The following ALMS1 variants were observed in gnomAD, a reference collection of about 807,000 sequenced individuals.
ALMS1 encodes the protein ALMS1 centrosome and basal body associated protein, also known as centrosome-associated protein ALMS1.
Under a neutral mutation model 352.2 loss-of-function variants are expected in ALMS1, and 271 were observed. The ratio of observed to expected loss-of-function variants is 0.77; its 90% CI spans 0.70 to 0.85. The LOEUF (loss-of-function observed/expected upper bound fraction) is 0.85. ALMS1 is among the 40% of genes least tolerant of loss of function. The pLI, the probability that ALMS1 is intolerant of heterozygous loss-of-function variation, is 0.00. For missense variants in ALMS1, 5,445 were observed against 4,870.7 expected (o/e 1.12, Z -3.51); for synonymous variants, 1,865 against 1,761.2 (o/e 1.06, Z -1.48).
chr2:73,525,750 C>G (rs1673778457), intron 11 of ALMS1, among the ~76,000 whole-genome samples: 1 of 151,764 alleles, frequency 6.6e-6, no homozygotes, highest in Non-Finnish European at 1.5e-5. Flanking sequence ...AGTGTTGTTT[C>G]CTTTGCTGTG....
chr2:73,397,747 C>T (rs941606851), intron 1 of ALMS1, among the ~76,000 whole-genome samples: 6 of 152,126 alleles, frequency 3.9e-5, no homozygotes, highest in South Asian at 2.1e-4. Context: ...GGATTACAGG[C>T]GTGCGGTTTT....
intron 7 of ALMS1, among the ~76,000 whole-genome samples, chr2:73,436,126 T>C (rs1671600325): frequency 6.6e-6 from 1 of 152,236 alleles, no homozygotes; most frequent in Non-Finnish European, 1.5e-5. Context: ...TTTTATTTCA[T>C]CTTTTTGAAA....
At position 73,422,886 on chromosome 2, in the gene ALMS1, T is replaced by A. The variant is rs1671310928; in HGVS notation, c.676T>A (p.Leu226Met). The A allele has an allele frequency of 6.2e-7, 1 of 1,613,598 alleles. No homozygotes were observed. Reference protein sequence around the residue: ...VIQDSFASPDLPLLTCLTQDQ... With the variant: ...VIQDSFASPDMPLLTCLTQDQ... The stretch of plus-strand genomic sequence containing the variant: ...ACAAGATAGCTTTGCTTCTCCTGAT[T>A]TGCCTTTGCTGACCTGTTTGACACA... The change falls in exon 4 of 23, where the codon TTG becomes ATG. Residue 226 changes from leucine (L) to methionine (M), a missense_variant. Physicochemically the swap from Leu to Met is conservative, Grantham distance 15. Transcript: ENST00000613296.
At chr2:73,590,403 T>A (rs1165429712) in intron 16 of ALMS1, among the ~76,000 whole-genome samples, 1 of 152,218 alleles carries the variant, frequency 6.6e-6, no homozygotes, top group Non-Finnish European at 1.5e-5. Flanking sequence ...GACAAAATAT[T>A]GATGAATTCT....
Position 73,600,755 on chromosome 2 carries a change from G to A in ALMS1, c.11746G>A (p.Glu3916Lys), listed in dbSNP as rs547320841. The change falls in exon 18 of 23, where the codon GAG becomes AAG. Residue 3916 changes from glutamate (E) to lysine (K), a missense_variant. Glu to Lys is a moderately conservative substitution (Grantham distance 56). Coordinates refer to ENST00000613296, the MANE Select transcript of ALMS1 (RefSeq NM_001378454.1). The part of the protein sequence containing the change: ...GITFPTPSSS[E>K]AKLEENSDVT... ...AACTTTCCCAACTCCAAGTTCCAGCGAGGCTAAATTGGAAGAGAACAGTGA... is the reference window on the plus strand; with the variant it reads ...AACTTTCCCAACTCCAAGTTCCAGCAAGGCTAAATTGGAAGAGAACAGTGA... 4.3e-6 allele frequency: 7 copies of A among 1,614,044 alleles called. No homozygotes were observed. Among genetic ancestry groups the A allele is most frequent in the South Asian group, 3.3e-5 (3 of 91,088 alleles).
chr2:73,426,610 A>G, intron 6 of ALMS1, 57 bp downstream of exon 6: 2 of 1,522,468 alleles, frequency 1.3e-6, no homozygotes, highest in Non-Finnish European at 9.1e-7. Flanking sequence ...GTATTGTTTC[A>G]GGAAATGGTA....
At chr2:73,480,329 T>G (rs1416157772) in intron 9 of ALMS1, among the ~76,000 whole-genome samples, 1 of 152,150 alleles carries the variant, frequency 6.6e-6, no homozygotes, top group Non-Finnish European at 1.5e-5. Flanking sequence ...ATGCGGTGTT[T>G]GCTTTTTGTT....
intron 2 of ALMS1, among the ~76,000 whole-genome samples, chr2:73,412,054 G>A (rs1671088253): frequency 6.6e-6 from 1 of 152,124 alleles, no homozygotes; most frequent in Admixed American, 6.5e-5. Context: ...GATATCCTAT[G>A]CTCATTTTTA....
intron 9 of ALMS1, among the ~76,000 whole-genome samples, chr2:73,459,799 G>C (rs1672147798): frequency 6.6e-6 from 1 of 152,034 alleles, no homozygotes; most frequent in Non-Finnish European, 1.5e-5. Context: ...TTTCTCCAAG[G>C]GGCGCTGGTT....
At chr2:73,608,657 T>C in intron 22 of ALMS1, 83 bp downstream of exon 22, 2 of 1,125,200 alleles carry the variant, frequency 1.8e-6, no homozygotes, top group Non-Finnish European at 2.7e-6. Context: ...GCCTGTTGAG[T>C]GTGAAGTCAG....
intron 9 of ALMS1, among the ~76,000 whole-genome samples, chr2:73,488,427 C>T (rs561689420): frequency 6.6e-6 from 1 of 152,320 alleles, no homozygotes; most frequent in South Asian, 2.1e-4. Flanking sequence ...GCAGTGGGAG[C>T]AGGCACTTCT....
chr2:73,399,289 T>C (rs114487126), intron 1 of ALMS1, among the ~76,000 whole-genome samples: 2,514 of 152,140 alleles, frequency 0.017, 69 homozygotes, highest in African/African-American at 0.057. Context: ...TGGACAGTGG[T>C]GAGAGGGTGT....
At chr2:73,486,843 A>C (rs568693217) in intron 9 of ALMS1, among the ~76,000 whole-genome samples, 37 of 152,280 alleles carry the variant, frequency 2.4e-4, no homozygotes, top group African/African-American at 8.9e-4. Flanking sequence ...TGAATCCAGG[A>C]GTTGGAGACC....
chr2:73,391,529 G>A (rs1289353884), intron 1 of ALMS1, among the ~76,000 whole-genome samples: 2 of 151,750 alleles, frequency 1.3e-5, no homozygotes, highest in East Asian at 1.9e-4. Flanking sequence ...TCCTGACCTC[G>A]TGATACACCC....
At chr2:73,582,545 G>A (rs755982144) in intron 16 of ALMS1, among the ~76,000 whole-genome samples, 4 of 152,104 alleles carry the variant, frequency 2.6e-5, no homozygotes, top group Non-Finnish European at 1.5e-5. Context: ...CCGTCCCCCA[G>A]CTCCTGGTAA....
At chr2:73,522,286 A>G (rs1235451533) in intron 11 of ALMS1, among the ~76,000 whole-genome samples, 2 of 152,224 alleles carry the variant, frequency 1.3e-5, no homozygotes, top group Admixed American at 1.3e-4. Context: ...ATATTCAGCC[A>G]TTGCTATCAA....
At position 73,451,950 on chromosome 2, in the gene ALMS1, A is replaced by G; in HGVS notation, c.5423A>G (p.His1808Arg). 1 of 1,614,020 alleles carries G rather than the reference A, an allele frequency of 6.2e-7. No homozygotes were observed. Among genetic ancestry groups the G allele is most frequent in the South Asian group, 1.1e-5 (1 of 91,072 alleles). The change falls in exon 8 of 23, where the codon CAC becomes CGC. Residue 1808 changes from histidine to arginine, a missense_variant. His to Arg is a conservative substitution (Grantham distance 29). Transcript: ENST00000613296. ...ACAGTAACCTCTACTTCCTACTCAC[A>G]CAGAGAGAAGCCCATTGTTTCCTAC... Reference protein sequence around the residue: ...VSTVTSTSYSHREKPIVSYQR... With the variant: ...VSTVTSTSYSRREKPIVSYQR...
At chr2:73,529,307 G>T (rs1199566614) in intron 11 of ALMS1, among the ~76,000 whole-genome samples, 1 of 152,144 alleles carries the variant, frequency 6.6e-6, no homozygotes, top group Non-Finnish European at 1.5e-5. Context: ...GCCTCCCAAA[G>T]TGTTGGAATT....
At chr2:73,510,826 C>A (rs938242179) in intron 10 of ALMS1, among the ~76,000 whole-genome samples, 5 of 152,204 alleles carry the variant, frequency 3.3e-5, no homozygotes, top group African/African-American at 1.2e-4. Context: ...CTGCCCCTTC[C>A]CCCAGGTGCT....
Sources: allele counts gnomAD v4.1 joint callset (sites outside exome capture counted in the v4.1 genomes callset), GRCh38; gene constraint gnomAD v4.1.1; transcripts MANE v1.5; gene names NCBI Gene and HGNC (gene_info 2026-07-23, HGNC 2026-07-21).